The following CYREN variants were observed in gnomAD, a reference collection of about 807,000 sequenced individuals.
CYREN encodes the protein cell cycle regulator of NHEJ.
In CYREN, 7 loss-of-function variants were observed where a neutral mutation model predicts 9.7. That is an observed-to-expected ratio of 0.72 (90% confidence interval 0.41 to 1.36). The LOEUF (loss-of-function observed/expected upper bound fraction) is 1.36. Ranked by LOEUF, CYREN falls within the 40% of genes most tolerant of loss-of-function variation. The probability of loss-of-function intolerance (pLI) is 0.01; values close to 1 mark genes in which losing one functional copy is unlikely to be tolerated. For synonymous variants in CYREN, 76 were observed against 77.9 expected (o/e 0.98, Z 0.13); for missense variants, 215 against 198.1 (o/e 1.09, Z -0.51).
chr7:135,109,914 C>A (rs997138995), intron 2 of CYREN, among the ~76,000 whole-genome samples: 3 of 152,212 alleles, frequency 2.0e-5, no homozygotes, highest in African/African-American at 7.2e-5. Context: ...AGGCTCTGAA[C>A]CACTGCCAGC....
rs57009556 is a variant in CYREN at position 135,144,760 on chromosome 7, T to TTAATAA, written n.356+23983_356+23988dup. Among the ~76,000 whole-genome samples the TTAATAA allele has an allele frequency of 4.6e-4, 68 of 146,872 alleles. 2 individuals carry two copies. The South Asian group carries it at 0.012, about 27-fold the overall frequency. ...GCAAAACCCTATCTGTACCAAAAAA[T>TTAATAA]TAATAATAATAATAATATAAAAATT... is the stretch of plus-strand genomic sequence containing the variant. On this transcript the variant is annotated intron_variant and non_coding_transcript_variant, in intron 2 of 2. Coordinates refer to the CYREN transcript ENST00000459937.
In CYREN at chr7:135,104,467, G is replaced by A. The variant is rs151131997; in HGVS notation, n.357-9885C>T. On this transcript the variant is annotated intron_variant and non_coding_transcript_variant, in intron 2 of 2. Coordinates refer to the CYREN transcript ENST00000459937. ...CCCAGTAATAGAATTACCAGGTTGAGTGGTAATTCTGTTTTTAGCTCCTTA... is the reference window on the plus strand; with the variant it reads ...CCCAGTAATAGAATTACCAGGTTGAATGGTAATTCTGTTTTTAGCTCCTTA... Among the ~76,000 whole-genome samples the A allele has an allele frequency of 2.5e-3, 386 of 152,226 alleles. 1 individual carries two copies. The highest frequency in any genetic ancestry group is 8.7e-3 in the African/African-American group (360 of 41,528).
upstream of CYREN, among the ~76,000 whole-genome samples, chr7:135,171,571 G>A (rs756370745): frequency 6.6e-6 from 1 of 152,150 alleles, no homozygotes; most frequent in Non-Finnish European, 1.5e-5. Flanking sequence ...AATCAATCAC[G>A]ACCCTTTCAT....
At chr7:135,129,280 C>A in intron 2 of CYREN, 1 of 1,513,748 alleles carries the variant, frequency 6.6e-7, no homozygotes, top group Non-Finnish European at 9.2e-7. Context: ...GCCTTCTGTA[C>A]CTTGTGCAGG....
intron 2 of CYREN, chr7:135,129,198 C>G: frequency 2.1e-6 from 3 of 1,427,382 alleles, no homozygotes; most frequent in Non-Finnish European, 3.0e-6. Flanking sequence ...GTACTGCCCC[C>G]ACGCATGCTG....
At position 135,168,617 on chromosome 7, in the gene CYREN, T is replaced by C. The variant is rs1322485536; in HGVS notation, c.137+169A>G. 7 of 1,066,962 alleles carry C rather than the reference T, an allele frequency of 6.6e-6. No individual in the cohort carries two copies. In the Admixed American group the frequency reaches 1.5e-4, roughly 23 times the overall value. 66.1% of individuals were successfully genotyped at this position (1,066,962 alleles called of 1,614,324 possible). Reference sequence around the variant, plus strand: ...GCCTGTCCTCGAGGGTTAACCCGCTTTGCCTCCCGCCCACAGCCCCTCCAC... The same window carrying C: ...GCCTGTCCTCGAGGGTTAACCCGCTCTGCCTCCCGCCCACAGCCCCTCCAC... On this transcript the variant is annotated intron_variant, in intron 2 of 3. Transcript: ENST00000393114.
exon 3 of CYREN, chr7:135,093,707 T>A (rs1004750780): frequency 1.3e-5 from 2 of 152,182 alleles, no homozygotes; most frequent in African/African-American, 4.8e-5. Context: ...TTCAGTGCAA[T>A]CCCTATCAAA....
At chr7:135,107,602 T>G (rs1033273566) in intron 2 of CYREN, among the ~76,000 whole-genome samples, 1 of 152,234 alleles carries the variant, frequency 6.6e-6, no homozygotes, top group African/African-American at 2.4e-5. Flanking sequence ...ATTTCAGTTC[T>G]TTTGCATTTC....
In CYREN at chr7:135,151,999, A is replaced by G. The variant is rs1829676474; in HGVS notation, n.356+16750T>C. ...AGAATCTCACCACTGTCAGGCTGGT[A>G]GCCTGGGCTTAACTTCTCTGAGCCT... On this transcript the variant is annotated intron_variant and non_coding_transcript_variant, in intron 2 of 2. Coordinates refer to the CYREN transcript ENST00000459937. The surrounding 1 kb of genome is among the most constrained non-coding windows in gnomAD (Gnocchi z 4.3). 6.6e-6 allele frequency among the ~76,000 whole-genome samples: 1 copy of G among 152,238 alleles called. No homozygotes were observed. Among genetic ancestry groups the G allele is most frequent in the Admixed American group, 6.5e-5 (1 of 15,288 alleles).
intron 2 of CYREN, chr7:135,129,450 G>T: frequency 1.3e-6 from 1 of 779,362 alleles, no homozygotes; most frequent in South Asian, 1.3e-5. Context: ...GGAAAGTAAG[G>T]AGTGGCTAGA....
chr7:135,124,280 CAAAATCAA>C (rs1827553037), intron 2 of CYREN, among the ~76,000 whole-genome samples: 1 of 149,606 alleles, frequency 6.7e-6, no homozygotes, highest in South Asian at 2.1e-4. Context: ...TTTAAACCAA[CAAAATCAA>C]AAAAGACAAA....
intron 2 of CYREN, among the ~76,000 whole-genome samples, chr7:135,159,329 T>C (rs759725546): frequency 5.3e-5 from 8 of 152,198 alleles, no homozygotes; most frequent in Non-Finnish European, 8.8e-5. Context: ...ACCTGACAAA[T>C]ACATAATTTA....
intron 3 of CYREN, 56 bp downstream of exon 3, chr7:135,167,676 T>C: frequency 6.2e-7 from 1 of 1,607,804 alleles, no homozygotes; most frequent in Non-Finnish European, 8.5e-7. Context: ...ACCAAGGGTC[T>C]AGCCTCTGCC....
At chr7:135,164,515 T>A (rs959259544), downstream of CYREN, 3 of 1,613,508 alleles carry the variant, frequency 1.9e-6, no homozygotes, top group African/African-American at 4.0e-5. Context: ...ATTGTGGTCA[T>A]CTGCCTGATG....
chr7:135,153,905 G>A (rs1829724231), intron 2 of CYREN, among the ~76,000 whole-genome samples: 1 of 152,170 alleles, frequency 6.6e-6, no homozygotes, highest in South Asian at 2.1e-4. Context: ...ATAGTTTCAG[G>A]ATTATTGGTA....
At chr7:135,124,949 G>C (rs1215098609) in intron 2 of CYREN, among the ~76,000 whole-genome samples, 1 of 152,126 alleles carries the variant, frequency 6.6e-6, no homozygotes, top group Non-Finnish European at 1.5e-5. Context: ...CAGAAAGCGA[G>C]AAAGATCTCA....
intron 2 of CYREN, among the ~76,000 whole-genome samples, chr7:135,134,512 A>G (rs1829210280): frequency 6.6e-6 from 1 of 152,100 alleles, no homozygotes; most frequent in Admixed American, 6.6e-5. Flanking sequence ...GCAAACAACT[A>G]CTTTACTTTT....
chr7:135,143,244 C>T (rs1368783515), intron 2 of CYREN, among the ~76,000 whole-genome samples: 3 of 152,090 alleles, frequency 2.0e-5, no homozygotes, highest in African/African-American at 7.2e-5. Context: ...ATAATCAATA[C>T]AGTATGTTAT....
upstream of CYREN, among the ~76,000 whole-genome samples, chr7:135,171,396 C>A (rs1262810514): frequency 1.3e-5 from 2 of 151,796 alleles, no homozygotes; most frequent in Admixed American, 6.6e-5. Context: ...CTGGGCCTGC[C>A]TGGCCTAAAC....
Sources: gnomAD v4.1 joint callset for allele counts (sites outside exome capture counted in the v4.1 genomes callset) on GRCh38, gnomAD v4.1.1 for gene constraint, Gnocchi (gnomAD v3.1) non-coding constraint, MANE v1.5 for transcripts, NCBI Gene and HGNC (gene_info 2026-07-23, HGNC 2026-07-21) for gene names.